CIMIP6: variants seen among roughly 807,000 people sequenced by gnomAD.
The protein encoded by CIMIP6 is ciliary microtubule inner protein 6.
chr2:54,358,891 T>C, the CIMIP6 span: 2 of 690,958 alleles, frequency 2.9e-6, 1 homozygote, highest in South Asian at 4.3e-5. Context: ...TTTATATTAT[T>C]AATACTGATT....
the CIMIP6 span, among the ~76,000 whole-genome samples, chr2:54,367,942 T>A: frequency 6.6e-6 from 1 of 152,186 alleles, no homozygotes; most frequent in African/African-American, 2.4e-5. Flanking sequence ...TAATCTTAAG[T>A]AACCTTATAG....
the CIMIP6 span, among the ~76,000 whole-genome samples, chr2:54,337,759 G>C: frequency 2.0e-5 from 3 of 152,124 alleles, no homozygotes; most frequent in Non-Finnish European, 4.4e-5. Context: ...TATTAGCACT[G>C]GACCTTTAAG....
At chr2:54,361,390 A>C in the CIMIP6 span, 1 of 152,208 alleles carries the variant, frequency 6.6e-6, no homozygotes, top group African/African-American at 2.4e-5. Context: ...GTGTGCCAAA[A>C]TGTATCTATT....
the CIMIP6 span, among the ~76,000 whole-genome samples, chr2:54,334,482 G>A: frequency 2.2e-4 from 33 of 152,266 alleles, no homozygotes; most frequent in African/African-American, 2.2e-4. Context: ...TAACTATAGC[G>A]TGTAACTTAT....
At chr2:54,382,888 G>A in the CIMIP6 span, among the ~76,000 whole-genome samples, 1 of 152,194 alleles carries the variant, frequency 6.6e-6, no homozygotes, top group Non-Finnish European at 1.5e-5. Context: ...CTTCTTCTGA[G>A]TGGGGGTTGG....
the CIMIP6 span, among the ~76,000 whole-genome samples, chr2:54,344,931 A>C: frequency 4.6e-5 from 7 of 152,218 alleles, no homozygotes; most frequent in Non-Finnish European, 8.8e-5. Context: ...GTAGATAATT[A>C]GCAAAACATA....
At chr2:54,341,767 G>A in the CIMIP6 span, among the ~76,000 whole-genome samples, 7 of 152,140 alleles carry the variant, frequency 4.6e-5, no homozygotes, top group African/African-American at 1.4e-4. Context: ...ATAGAATTGT[G>A]ATGAGCTTAT....
the CIMIP6 span, among the ~76,000 whole-genome samples, chr2:54,349,025 CCTAAT>C: frequency 6.6e-6 from 1 of 151,844 alleles, no homozygotes; most frequent in Non-Finnish European, 1.5e-5. Flanking sequence ...AATTGGAAAG[CCTAAT>C]CTAATATGTG....
At chr2:54,375,335 A>T in the CIMIP6 span, among the ~76,000 whole-genome samples, 1 of 152,230 alleles carries the variant, frequency 6.6e-6, no homozygotes, top group Non-Finnish European at 1.5e-5. Context: ...TTAATAAGGA[A>T]AATAGCAAAG....
the CIMIP6 span, among the ~76,000 whole-genome samples, chr2:54,366,709 C>G: frequency 6.6e-6 from 1 of 151,536 alleles, no homozygotes. Context: ...ACAATGGATG[C>G]AAGGCAGCAA....
At chr2:54,382,903 A>G in the CIMIP6 span, 1 of 152,326 alleles carries the variant, frequency 6.6e-6, no homozygotes, top group East Asian at 1.9e-4. Context: ...GGTTGGACAT[A>G]GTGATTCTCT....
At chr2:54,349,737 AAC>A in the CIMIP6 span, among the ~76,000 whole-genome samples, 4 of 152,238 alleles carry the variant, frequency 2.6e-5, no homozygotes, top group Non-Finnish European at 5.9e-5. Flanking sequence ...TGTATAAATG[AAC>A]ACAGTCATTA....
At chr2:54,334,405 C>G in the CIMIP6 span, among the ~76,000 whole-genome samples, 1 of 152,160 alleles carries the variant, frequency 6.6e-6, no homozygotes, top group African/African-American at 2.4e-5. Flanking sequence ...GTCCAGATAG[C>G]TGTTTACTAG....
the CIMIP6 span, chr2:54,359,037 A>T: frequency 8.4e-6 from 13 of 1,551,248 alleles, no homozygotes; most frequent in Non-Finnish European, 1.1e-5. Flanking sequence ...CATCAATATG[A>T]TGCCAGAAAA....
chr2:54,377,042 C>T, the CIMIP6 span, among the ~76,000 whole-genome samples: 1 of 152,156 alleles, frequency 6.6e-6, no homozygotes, highest in African/African-American at 2.4e-5. Context: ...TCGGTTCTCT[C>T]GGCCAAGTCT....
chr2:54,370,511 T>C, the CIMIP6 span, among the ~76,000 whole-genome samples: 1 of 152,190 alleles, frequency 6.6e-6, no homozygotes, highest in Admixed American at 6.5e-5. Flanking sequence ...GTTGACATGT[T>C]TTTTGGTTTT....
chr2:54,352,819 C>T, the CIMIP6 span, among the ~76,000 whole-genome samples: 1,542 of 152,186 alleles, frequency 0.01, 28 homozygotes, highest in African/African-American at 0.035. Context: ...TAGTTGTTAT[C>T]GTGTTTTTTA....
the CIMIP6 span, chr2:54,361,366 A>G: frequency 6.6e-6 from 1 of 152,158 alleles, no homozygotes; most frequent in Non-Finnish European, 1.5e-5. Context: ...TCTACTTCCA[A>G]TTTGGTGTGT....
the CIMIP6 span, chr2:54,335,120 C>G: frequency 1.1e-6 from 1 of 921,188 alleles, no homozygotes; most frequent in African/African-American, 1.7e-5. Flanking sequence ...TGAGACACAT[C>G]TCAGAGTAGT....
Sources: allele counts gnomAD v4.1 joint callset (sites outside exome capture counted in the v4.1 genomes callset), GRCh38; gene constraint gnomAD v4.1.1; transcripts MANE v1.5; gene names NCBI Gene and HGNC (gene_info 2026-07-23, HGNC 2026-07-21).